The following CKMT2 variants were observed in gnomAD, a reference collection of about 807,000 sequenced individuals.
CKMT2 encodes the protein creatine kinase, mitochondrial 2, also known as creatine kinase S-type, mitochondrial.
CKMT2 carries 43 observed loss-of-function variants against 48.9 expected under a neutral mutation model. The observed-to-expected ratio is 0.88, with a 90% CI of 0.69 to 1.13. CKMT2 has a LOEUF of 1.13. CKMT2 is among the 50% of genes most tolerant of loss of function. CKMT2 has a pLI of 0.00. For missense variants in CKMT2, 472 were observed against 555.4 expected (o/e 0.85, Z 1.51); for synonymous variants, 206 against 213.0 (o/e 0.97, Z 0.29).
chr5:81,255,245 G>T, intron 5 of CKMT2, 31 bp downstream of exon 5: 1 of 1,598,140 alleles, frequency 6.3e-7, no homozygotes, highest in Non-Finnish European at 8.6e-7. Flanking sequence ...CCTGGGGAAG[G>T]ACTGGACCAA....
At chr5:81,263,762 G>A in intron 9 of CKMT2, 146 bp downstream of exon 9, 3 of 587,282 alleles carry the variant, frequency 5.1e-6, no homozygotes, top group Non-Finnish European at 8.4e-6. Context: ...TTTTCATTCT[G>A]TAACATTATT....
intron 5 of CKMT2, among the ~76,000 whole-genome samples, chr5:81,256,549 T>A (rs1456527530): frequency 6.6e-6 from 1 of 152,168 alleles, no homozygotes; most frequent in Non-Finnish European, 1.5e-5. Flanking sequence ...TTCAGGATAG[T>A]ATCCCTCATT....
chr5:81,250,974 C>G, intron 1 of CKMT2, 139 bp from the exon 2 acceptor site: 1 of 662,730 alleles, frequency 1.5e-6, no homozygotes, highest in Non-Finnish European at 2.6e-6. Context: ...CACACACACA[C>G]ACACAGAAAG....
At chr5:81,254,685 A>G (rs568363857) in intron 4 of CKMT2, 194 bp downstream of exon 4, 34 of 598,006 alleles carry the variant, frequency 5.7e-5, no homozygotes, top group Non-Finnish European at 1.0e-4. Flanking sequence ...TCTTTAATAA[A>G]TACAACTAGG....
intron 1 of CKMT2, among the ~76,000 whole-genome samples, chr5:81,234,021 TAAA>T (rs536455571): frequency 0.042 from 3,880 of 91,852 alleles, 147 homozygotes; most frequent in Admixed American, 0.16. Context: ...GGAGGTTAAT[TAAA>T]AAAAAAAAAA....
intron 9 of CKMT2, among the ~76,000 whole-genome samples, chr5:81,265,833 T>C (rs1757366935): frequency 1.3e-5 from 2 of 152,236 alleles, no homozygotes; most frequent in Admixed American, 1.3e-4. Context: ...GGTGTCACTG[T>C]AGTCTTACTT....
intron 1 of CKMT2, among the ~76,000 whole-genome samples, chr5:81,245,793 G>A (rs1253425177): frequency 6.6e-6 from 1 of 152,098 alleles, no homozygotes; most frequent in Non-Finnish European, 1.5e-5. Context: ...CAGCAGCTGT[G>A]GTGCGAGGGG....
chr5:81,254,255 T>G (rs1756919859), intron 3 of CKMT2, 141 bp from the exon 4 acceptor site: 2 of 627,886 alleles, frequency 3.2e-6, no homozygotes, highest in Admixed American at 5.2e-5. Context: ...TCACATCCAT[T>G]TCCTATATGA....
chr5:81,253,337 GATTTCTCTCCT>G (rs1684370518), intron 3 of CKMT2, among the ~76,000 whole-genome samples: 2 of 152,140 alleles, frequency 1.3e-5, no homozygotes, highest in African/African-American at 4.8e-5. Flanking sequence ...TATTATTACT[GATTTCTCTCCT>G]ATTACTGATT....
intron 1 of CKMT2, among the ~76,000 whole-genome samples, chr5:81,241,609 C>G (rs1284553373): frequency 6.6e-6 from 1 of 152,196 alleles, no homozygotes; most frequent in African/African-American, 2.4e-5. Context: ...TTGATAAAGG[C>G]AATTAGCGAA....
chr5:81,254,208 G>C (rs537633762), intron 3 of CKMT2, among the ~76,000 whole-genome samples, 188 bp from the exon 4 acceptor site: 28 of 144,236 alleles, frequency 1.9e-4, no homozygotes, highest in South Asian at 1.1e-3. Flanking sequence ...TTTCTCTCTT[G>C]TTGTTGTTGT....
chr5:81,241,704 G>A (rs1272153063), intron 1 of CKMT2, among the ~76,000 whole-genome samples: 2 of 152,372 alleles, frequency 1.3e-5, no homozygotes, highest in East Asian at 3.9e-4. Flanking sequence ...TCGAGAACAT[G>A]TATGTAATGA....
At chr5:81,245,901 C>A (rs906330337) in intron 1 of CKMT2, among the ~76,000 whole-genome samples, 6 of 152,154 alleles carry the variant, frequency 3.9e-5, no homozygotes, top group Non-Finnish European at 7.3e-5. Flanking sequence ...GGCCTCACCA[C>A]CCGCCCAACT....
At chr5:81,261,952 C>T (rs1021690151) in intron 8 of CKMT2, among the ~76,000 whole-genome samples, 2 of 152,124 alleles carry the variant, frequency 1.3e-5, no homozygotes, top group African/African-American at 4.8e-5. Context: ...TACTACAAGG[C>T]TACAGTAACT....
At chr5:81,259,409 A>AT (rs1757131951) in intron 8 of CKMT2, 155 bp downstream of exon 8, 4 of 606,142 alleles carry the variant, frequency 6.6e-6, no homozygotes, top group Non-Finnish European at 1.0e-5. Context: ...CTCCAAAGAC[A>AT]TTTGTATTAG....
At chr5:81,254,579 T>A in intron 4 of CKMT2, 88 bp downstream of exon 4, 1 of 1,109,746 alleles carries the variant, frequency 9.0e-7, no homozygotes, top group Non-Finnish European at 1.4e-6. Context: ...TTCCCCGCTG[T>A]AAGTCAGATA....
At chr5:81,239,227 C>T (rs1257011010) in intron 1 of CKMT2, 1 of 152,202 alleles carries the variant, frequency 6.6e-6, no homozygotes, top group Non-Finnish European at 1.5e-5. Context: ...CCACAAATTC[C>T]AGCCAGAATC....
At chr5:81,256,780 G>A (rs1757025869) in intron 5 of CKMT2, 135 bp from the exon 6 acceptor site, 2 of 575,098 alleles carry the variant, frequency 3.5e-6, no homozygotes, top group Admixed American at 3.3e-5. Context: ...TATTCTAGTG[G>A]GCAGCCAAAG....
intron 5 of CKMT2, 86 bp from the exon 6 acceptor site, chr5:81,256,829 T>A (rs1757027616): frequency 2.3e-6 from 2 of 888,648 alleles, no homozygotes. Flanking sequence ...CCATGATAAG[T>A]GGGTTGGAAC....
Sources: allele counts gnomAD v4.1 joint callset (sites outside exome capture counted in the v4.1 genomes callset), GRCh38; gene constraint gnomAD v4.1.1; transcripts MANE v1.5; gene names NCBI Gene and HGNC (gene_info 2026-07-23, HGNC 2026-07-21).